Variants in TCF4 observed in about 807,000 individuals in gnomAD.
TCF4 encodes the protein transcription factor 4.
Under a neutral mutation model 82.1 loss-of-function variants are expected in TCF4, and 3 were observed. The ratio of observed to expected loss-of-function variants is 0.04; its 90% CI spans 0.02 to 0.09. The LOEUF is 0.09. Ranked by LOEUF, TCF4 falls within the 10% of genes least tolerant of loss-of-function variation. The pLI is 1.00. For synonymous variants in TCF4, 276 were observed against 309.6 expected, an observed-to-expected ratio of 0.89 and a Z score of 1.14; for missense variants, 518 against 852.7, an observed-to-expected ratio of 0.61 and a Z score of 4.89.
At chr18:55,623,611 G>T (rs1380334051) in intron 2 of TCF4, among the ~76,000 whole-genome samples, 1 of 152,132 alleles carries the variant, frequency 6.6e-6, no homozygotes, top group African/African-American at 2.4e-5. Flanking sequence ...GACTGAAATT[G>T]CATGAATAAT....
intron 6 of TCF4, among the ~76,000 whole-genome samples, chr18:55,374,800 AGAGACTGCAGT>A (rs2090296214): frequency 6.9e-6 from 1 of 144,954 alleles, no homozygotes; most frequent in Admixed American, 7.0e-5. Context: ...CTCAGGTGGT[AGAGACTGCAGT>A]GAGCCATGAT....
Position 55,560,505 on chromosome 18 carries a change from C to A in TCF4, c.145+24775G>T, listed in dbSNP as rs373871980. 4.6e-5 allele frequency among the ~76,000 whole-genome samples: 7 copies of A among 152,260 alleles called. No homozygotes were observed. In the East Asian group the frequency reaches 5.8e-4, roughly 13 times the overall value. The stretch of plus-strand genomic sequence containing the variant: ...ACAAATGAGGAAATTCTATCCGAAG[C>A]CACGTGACTTCTCCAGCATTTAGGC... On this transcript the variant is annotated intron_variant, in intron 3 of 19. Coordinates refer to ENST00000354452, the MANE Select transcript of TCF4 (RefSeq NM_001083962.2).
intron 6 of TCF4, among the ~76,000 whole-genome samples, chr18:55,390,905 T>A (rs2146138636): frequency 6.6e-6 from 1 of 152,286 alleles, no homozygotes; most frequent in Admixed American, 6.5e-5. Flanking sequence ...CGGTGACAAA[T>A]GGCACCCAGG....
intron 8 of TCF4, among the ~76,000 whole-genome samples, chr18:55,308,900 T>C (rs962101493): frequency 6.6e-6 from 1 of 152,188 alleles, no homozygotes; most frequent in Non-Finnish European, 1.5e-5. Flanking sequence ...CAAGTTTTAA[T>C]CCCTCAATGC....
intron 8 of TCF4, among the ~76,000 whole-genome samples, chr18:55,288,571 C>T (rs1186328517): frequency 6.6e-6 from 1 of 152,180 alleles, no homozygotes; most frequent in Non-Finnish European, 1.5e-5. Context: ...TGGACTCCTA[C>T]CAAAACCCAG....
At chr18:55,596,922 C>T (rs1349265259) in intron 2 of TCF4, among the ~76,000 whole-genome samples, 1 of 152,094 alleles carries the variant, frequency 6.6e-6, no homozygotes, top group Non-Finnish European at 1.5e-5. Flanking sequence ...TTGTAATCCT[C>T]AGTGTTGGAG....
intron 5 of TCF4, chr18:55,404,085 A>T (rs1478466917): frequency 4.5e-6 from 5 of 1,103,406 alleles, no homozygotes; most frequent in African/African-American, 1.6e-5. Flanking sequence ...TTTGGGAAAC[A>T]GGGCTTTTGA....
chr18:55,488,561 C>T (rs1007403496), intron 3 of TCF4, among the ~76,000 whole-genome samples: 1 of 151,592 alleles, frequency 6.6e-6, no homozygotes, highest in African/African-American at 2.4e-5. Flanking sequence ...ACAACTTAAG[C>T]TGCAGCTCTG....
intron 5 of TCF4, among the ~76,000 whole-genome samples, chr18:55,423,907 G>A (rs1433869752): frequency 6.6e-6 from 1 of 152,148 alleles, no homozygotes; most frequent in Non-Finnish European, 1.5e-5. Context: ...GTGACTGGGC[G>A]GAAGGGGGGA....
At chr18:55,576,478 T>C (rs929173475) in intron 3 of TCF4, among the ~76,000 whole-genome samples, 12 of 152,154 alleles carry the variant, frequency 7.9e-5, no homozygotes, top group African/African-American at 2.7e-4. Context: ...AATCATCCCA[T>C]GTGTCTAGAC....
intron 2 of TCF4, chr18:55,596,103 C>CA: frequency 2.3e-6 from 1 of 439,086 alleles, no homozygotes; most frequent in Middle Eastern, 3.4e-4. Context: ...AGTGATGACT[C>CA]ACGCCTATCC....
chr18:55,463,199 T>C (rs1887879677), intron 4 of TCF4, among the ~76,000 whole-genome samples: 2 of 152,282 alleles, frequency 1.3e-5, no homozygotes, highest in South Asian at 2.1e-4. Context: ...AAAACTGACA[T>C]GGATTTTAGA....
chr18:55,316,596 G>A (rs957995777), intron 8 of TCF4, among the ~76,000 whole-genome samples: 1 of 152,000 alleles, frequency 6.6e-6, no homozygotes, highest in African/African-American at 2.4e-5. Flanking sequence ...CTCCATCGTG[G>A]TACTACAATT....
rs796053411 is a variant in TCF4, at chr18:55,351,017, A to G, written c.370-14T>C. The G allele has an allele frequency of 1.8e-5, 29 of 1,612,898 alleles. No homozygotes were observed. The highest frequency in any genetic ancestry group is 1.3e-4 in the Admixed American group (8 of 59,940). ...AAGGAGACTCTGCTAAAAGGTTAAA[A>G]AGGGAAAACAAACATATAAGGTTAA... On this transcript the variant is annotated splice_polypyrimidine_tract_variant and intron_variant, in intron 6 of 19. Coordinates refer to ENST00000354452, the MANE Select transcript of TCF4 (RefSeq NM_001083962.2).
At chr18:55,275,353 C>T (rs577095971) in intron 10 of TCF4, among the ~76,000 whole-genome samples, 7 of 149,852 alleles carry the variant, frequency 4.7e-5, no homozygotes, top group Non-Finnish European at 8.9e-5. Flanking sequence ...ATTTATGTAC[C>T]CAAGGAAGCT....
chr18:55,399,836 T>C (rs1466707699), intron 6 of TCF4, among the ~76,000 whole-genome samples: 1 of 149,780 alleles, frequency 6.7e-6, no homozygotes, highest in South Asian at 2.1e-4. Flanking sequence ...TCTTTCTCTC[T>C]CTCTCTCTCT....
At chr18:55,302,147 C>T (rs1381782628) in intron 8 of TCF4, among the ~76,000 whole-genome samples, 1 of 152,248 alleles carries the variant, frequency 6.6e-6, no homozygotes, top group Non-Finnish European at 1.5e-5. Flanking sequence ...CAAGGTGGCA[C>T]TTGCCAAGGA....
At chr18:55,242,141 C>T (rs1453408347) in intron 15 of TCF4, among the ~76,000 whole-genome samples, 10 of 152,326 alleles carry the variant, frequency 6.6e-5, no homozygotes, top group African/African-American at 2.4e-4. Context: ...CCCTCACTCT[C>T]TGACCCTTCA....
intron 17 of TCF4, 122 bp from the exon 18 acceptor site, chr18:55,229,198 G>C (rs970973661): frequency 9.5e-7 from 1 of 1,055,134 alleles, no homozygotes; most frequent in Non-Finnish European, 1.4e-6. Flanking sequence ...GTTTTTGGCA[G>C]AATTTTTATA....
Sources: gnomAD v4.1 joint callset for allele counts (sites outside exome capture counted in the v4.1 genomes callset) on GRCh38, gnomAD v4.1.1 for gene constraint, MANE v1.5 for transcripts, NCBI Gene and HGNC (gene_info 2026-07-23, HGNC 2026-07-21) for gene names.